Variants in CDH9 observed in about 807,000 individuals in gnomAD.
CDH9 encodes the protein cadherin 9, also known as cadherin-9.
Under a neutral mutation model 70.9 loss-of-function variants are expected in CDH9, and 28 were observed. The ratio of observed to expected loss-of-function variants is 0.40; its 90% CI spans 0.29 to 0.54. CDH9 has a LOEUF of 0.54. Ranked by LOEUF, CDH9 falls within the 20% of genes least tolerant of loss-of-function variation. The pLI is 0.59. For missense variants in CDH9, 874 were observed against 984.4 expected (o/e 0.89, Z 1.50); for synonymous variants, 409 against 343.1 (o/e 1.19, Z -2.12).
chr5:26,955,450 A>C (rs1475063455), intron 2 of CDH9, among the ~76,000 whole-genome samples: 1 of 152,184 alleles, frequency 6.6e-6, no homozygotes, highest in Non-Finnish European at 1.5e-5. Context: ...ATTCATTTCC[A>C]TGCCTTTTTA....
At chr5:26,906,582 A>T in intron 4 of CDH9, 137 bp downstream of exon 4, 1 of 1,294,652 alleles carries the variant, frequency 7.7e-7, no homozygotes, top group Non-Finnish European at 1.0e-6. Flanking sequence ...ATTTGTTTAC[A>T]TCCAATAATG....
chr5:26,997,574 C>T (rs891233358), intron 1 of CDH9, among the ~76,000 whole-genome samples: 2 of 152,048 alleles, frequency 1.3e-5, no homozygotes, highest in Admixed American at 6.6e-5. Flanking sequence ...TTAATCAGTG[C>T]CAGAGATGGA....
chr5:27,017,936 T>G (rs570979538), intron 1 of CDH9, among the ~76,000 whole-genome samples: 2 of 151,886 alleles, frequency 1.3e-5, no homozygotes, highest in Non-Finnish European at 2.9e-5. Flanking sequence ...ATTTTCTCAT[T>G]TATATTATGC....
chr5:26,989,053 G>A (rs1742536855), intron 1 of CDH9, among the ~76,000 whole-genome samples: 1 of 151,722 alleles, frequency 6.6e-6, no homozygotes, highest in African/African-American at 2.4e-5. Flanking sequence ...CTAAATAAAA[G>A]CATTTTACAT....
chr5:26,885,847 A>T lies in CDH9; in HGVS notation c.1649T>A (p.Met550Lys). The T allele has an allele frequency of 6.2e-7, 1 of 1,613,988 alleles. No homozygotes were observed. The highest frequency in any genetic ancestry group is 8.5e-7 in the Non-Finnish European group (1 of 1,179,932). ...GCGACTGTAGCCATCTTTCCGAGTC[A>T]TGATTCCTGCTGTATTATCTGGGGG... ...VDNKDNTAGI[M>K]TRKDGYSRNK... The change falls in exon 11 of 12, where the codon ATG (methionine) becomes AAG (lysine). Residue 550 changes from methionine (M) to lysine (K), a missense_variant. Met to Lys is a moderately conservative substitution (Grantham distance 95, BLOSUM62 -1). Coordinates refer to ENST00000231021, the MANE Select transcript of CDH9 (RefSeq NM_016279.4).
chr5:27,016,766 G>A (rs1413636661), intron 1 of CDH9, among the ~76,000 whole-genome samples: 1 of 151,722 alleles, frequency 6.6e-6, no homozygotes, highest in Non-Finnish European at 1.5e-5. Flanking sequence ...TGAGATTTTG[G>A]TGAGATTGAG....
chr5:26,897,548 A>G (rs761118271), intron 7 of CDH9, among the ~76,000 whole-genome samples: 4 of 152,340 alleles, frequency 2.6e-5, no homozygotes, highest in Non-Finnish European at 5.9e-5. Flanking sequence ...CATCATATAA[A>G]CAGAGCCAAT....
intron 2 of CDH9, among the ~76,000 whole-genome samples, chr5:26,956,891 T>A (rs906181973): frequency 6.6e-6 from 1 of 152,122 alleles, no homozygotes; most frequent in South Asian, 2.1e-4. Flanking sequence ...TTACTAGGGA[T>A]TATATTTGTT....
chr5:26,903,460 A>G (rs1455186020), intron 6 of CDH9, 177 bp downstream of exon 6: 6 of 697,126 alleles, frequency 8.6e-6, no homozygotes, highest in Admixed American at 2.0e-5. Context: ...TTTAAGTGTC[A>G]ATTATGAAGA....
chr5:27,024,675 G>T (rs1743192524), intron 1 of CDH9, among the ~76,000 whole-genome samples: 2 of 152,030 alleles, frequency 1.3e-5, no homozygotes, highest in South Asian at 4.1e-4. Flanking sequence ...ACAATTCCAA[G>T]AATTCTAATT....
rs1190783626 is a variant in CDH9, at chr5:26,951,289, CTCAAAAAAAAA to C, written c.229-35376_229-35366del. Reference sequence around the variant, plus strand: ...CCTGGGTGACAGAGCAAGACTCTGTCTCAAAAAAAAAAAAAAAAAAAAAAAAAAGGTATGTG... The same window carrying C: ...CCTGGGTGACAGAGCAAGACTCTGTCAAAAAAAAAAAAAAAAAGGTATGTG... On this transcript the variant is annotated intron_variant, in intron 2 of 11. Coordinates refer to ENST00000231021, the MANE Select transcript of CDH9 (RefSeq NM_016279.4). 6.6e-4 allele frequency among the ~76,000 whole-genome samples: 4 copies of C among 6,106 alleles called. 1 individual carries two copies. The highest frequency in any genetic ancestry group is 0.2 in the East Asian group (2 of 10). The allele number at this position is 6,106 out of a possible 152,430, so 4.0% of individuals were successfully genotyped here.
At chr5:26,959,513 C>T (rs1284797661) in intron 2 of CDH9, among the ~76,000 whole-genome samples, 2 of 151,980 alleles carry the variant, frequency 1.3e-5, no homozygotes, top group Admixed American at 1.3e-4. Flanking sequence ...TTATTTACCC[C>T]AAATAATTGA....
At chr5:26,981,720 T>G (rs971956965) in intron 2 of CDH9, among the ~76,000 whole-genome samples, 1 of 151,952 alleles carries the variant, frequency 6.6e-6, no homozygotes, top group Non-Finnish European at 1.5e-5. Context: ...TTTAACAGTA[T>G]GCCAAAATGT....
At chr5:26,949,222 T>C (rs548726142) in intron 2 of CDH9, among the ~76,000 whole-genome samples, 43 of 152,248 alleles carry the variant, frequency 2.8e-4, no homozygotes, top group East Asian at 5.8e-4. Flanking sequence ...GCAACGAGGT[T>C]TGTCTTTTAT....
intron 1 of CDH9, among the ~76,000 whole-genome samples, chr5:27,020,564 G>A (rs1423442963): frequency 6.6e-6 from 1 of 151,426 alleles, no homozygotes; most frequent in African/African-American, 2.4e-5. Context: ...TAAGATATAT[G>A]TCTATCTTAA....
intron 11 of CDH9, among the ~76,000 whole-genome samples, chr5:26,882,723 C>T (rs1370280477): frequency 6.6e-6 from 1 of 151,842 alleles, no homozygotes; most frequent in Non-Finnish European, 1.5e-5. Flanking sequence ...CTTTAGGGTT[C>T]TTAACTGTTT....
chr5:26,988,415 T>C (rs994202990), intron 1 of CDH9, 33 bp from the exon 2 acceptor site: 3 of 1,526,384 alleles, frequency 2.0e-6, no homozygotes, highest in Non-Finnish European at 2.6e-6. Flanking sequence ...ATGGCTGTAT[T>C]AGCTTGAGTT....
At chr5:26,932,449 A>T (rs1741479609) in intron 2 of CDH9, among the ~76,000 whole-genome samples, 3 of 152,114 alleles carry the variant, frequency 2.0e-5, no homozygotes, top group Non-Finnish European at 4.4e-5. Context: ...CAAAATTAAG[A>T]TCTCATCAAA....
intron 1 of CDH9, among the ~76,000 whole-genome samples, chr5:27,005,786 C>T (rs946013000): frequency 2.0e-5 from 3 of 151,938 alleles, no homozygotes; most frequent in Non-Finnish European, 2.9e-5. Flanking sequence ...CAATGACAGA[C>T]TGGATAAAAA....
Sources: allele counts gnomAD v4.1 joint callset (sites outside exome capture counted in the v4.1 genomes callset), GRCh38; gene constraint gnomAD v4.1.1; transcripts MANE v1.5; gene names NCBI Gene and HGNC (gene_info 2026-07-23, HGNC 2026-07-21).